The following SERGEF variants were observed in gnomAD, a reference collection of about 807,000 sequenced individuals.
SERGEF encodes secretion regulating guanine nucleotide exchange factor.
A neutral mutation model predicts 50.0 loss-of-function variants in SERGEF; 51 were observed. That is an observed-to-expected ratio of 1.02 (90% confidence interval 0.81 to 1.29). The LOEUF (loss-of-function observed/expected upper bound fraction) is 1.29. SERGEF is among the 50% of genes most tolerant of loss of function. The pLI, the probability that SERGEF is intolerant of heterozygous loss-of-function variation, is 0.00. For synonymous variants in SERGEF, 205 were observed against 212.4 expected (o/e 0.97, Z 0.30); for missense variants, 521 against 557.0 (o/e 0.94, Z 0.65).
intron 9 of SERGEF, among the ~76,000 whole-genome samples, chr11:17,952,474 A>G (rs867248042): frequency 5.3e-5 from 8 of 151,966 alleles, no homozygotes; most frequent in Non-Finnish European, 1.0e-4. Context: ...AGTGACCTCA[A>G]TCCTCTCTCT....
At chr11:17,828,423 C>A (rs1342783078) in intron 10 of SERGEF, among the ~76,000 whole-genome samples, 1 of 152,224 alleles carries the variant, frequency 6.6e-6, no homozygotes, top group Non-Finnish European at 1.5e-5. Context: ...CCAGCCCTGC[C>A]GTGTGGATCC....
chr11:17,974,670 G>C (rs997487896), intron 8 of SERGEF, among the ~76,000 whole-genome samples: 1 of 152,194 alleles, frequency 6.6e-6, no homozygotes, highest in Non-Finnish European at 1.5e-5. Flanking sequence ...CTACGTGTTA[G>C]CTGTGGGACC....
intron 9 of SERGEF, among the ~76,000 whole-genome samples, chr11:17,906,488 G>C (rs1333339367): frequency 6.6e-6 from 1 of 152,178 alleles, no homozygotes; most frequent in African/African-American, 2.4e-5. Context: ...AAGGGGGTTG[G>C]TGGGGTGGGG....
At chr11:17,979,552 A>G (rs1258343136) in intron 8 of SERGEF, among the ~76,000 whole-genome samples, 1 of 152,066 alleles carries the variant, frequency 6.6e-6, no homozygotes, top group Non-Finnish European at 1.5e-5. Flanking sequence ...GCAGGGTTAT[A>G]TCTTTTCTTC....
At chr11:17,851,720 T>G (rs986265998) in intron 10 of SERGEF, among the ~76,000 whole-genome samples, 13 of 152,246 alleles carry the variant, frequency 8.5e-5, no homozygotes, top group African/African-American at 3.1e-4. Context: ...TGCTGAAGAC[T>G]AGAGTAAAAC....
chr11:17,805,264 C>G (rs1338622718), intron 10 of SERGEF, among the ~76,000 whole-genome samples: 1 of 152,230 alleles, frequency 6.6e-6, no homozygotes, highest in African/African-American at 2.4e-5. Flanking sequence ...CTCACAGGGT[C>G]TCAGTTTCTG....
At position 17,988,641 on chromosome 11, in the gene SERGEF, A is replaced by C. The variant is rs992347751; in HGVS notation, c.800T>G (p.Val267Gly). 6.2e-6 allele frequency: 10 copies of C among 1,614,008 alleles called. No homozygotes were observed. Among genetic ancestry groups the C allele is most frequent in the Non-Finnish European group, 8.5e-6 (10 of 1,180,026 alleles). The change falls in exon 8 of 11, where the codon GTC becomes GGC. Residue 267 changes from valine to glycine, a missense_variant. By Grantham distance (109) the Val-to-Gly change is moderately radical. Transcript: ENST00000265965. The stretch of plus-strand genomic sequence containing the variant: ...TGTCCATCCACTCCAGATGGCAGTG[A>C]CCTTTTCATTCTGGAAACAATGTGC... ...IEAHCFQNEK[V>G]TAIWSGWTHL...
chr11:17,910,587 G>A (rs947455654), intron 9 of SERGEF, among the ~76,000 whole-genome samples: 3 of 152,062 alleles, frequency 2.0e-5, no homozygotes, highest in Non-Finnish European at 1.5e-5. Context: ...CTAAATCATG[G>A]GAATTTGTCG....
chr11:17,896,714 G>C (rs111636117), intron 9 of SERGEF, among the ~76,000 whole-genome samples: 1,595 of 51,450 alleles, frequency 0.031, 73 homozygotes, highest in Non-Finnish European at 0.052. Context: ...GGAAGGGTAA[G>C]GGAAGGGTAA....
At chr11:17,868,096 C>T (rs193098562) in intron 10 of SERGEF, among the ~76,000 whole-genome samples, 82 of 152,338 alleles carry the variant, frequency 5.4e-4, no homozygotes, top group African/African-American at 1.9e-3. Flanking sequence ...GTTACTTATG[C>T]AAATTTCTGC....
chr11:17,942,564 T>G (rs1852582097), intron 9 of SERGEF, among the ~76,000 whole-genome samples: 1 of 152,160 alleles, frequency 6.6e-6, no homozygotes, highest in Admixed American at 6.5e-5. Context: ...TAGAAACAGA[T>G]TTACCTCTTC....
At chr11:17,911,554 G>A (rs117188400) in intron 9 of SERGEF, among the ~76,000 whole-genome samples, 8,068 of 151,384 alleles carry the variant, frequency 0.053, 291 homozygotes, top group Non-Finnish European at 0.08. Flanking sequence ...GCAGCAGCAC[G>A]ATGGCTCACT....
intron 9 of SERGEF, among the ~76,000 whole-genome samples, chr11:17,880,311 G>A (rs1211382811): frequency 1.3e-5 from 2 of 152,156 alleles, no homozygotes; most frequent in African/African-American, 4.8e-5. Context: ...TATGCTTCCT[G>A]GCTGTAATGA....
chr11:17,905,768 T>G (rs934960908), intron 9 of SERGEF, among the ~76,000 whole-genome samples: 1 of 152,152 alleles, frequency 6.6e-6, no homozygotes, highest in Non-Finnish European at 1.5e-5. Context: ...TGGCCTATGC[T>G]CTGGTCCTTT....
intron 9 of SERGEF, among the ~76,000 whole-genome samples, chr11:17,926,172 GT>G (rs142157396): frequency 1.5e-4 from 22 of 151,048 alleles, no homozygotes; most frequent in Admixed American, 8.6e-4. Context: ...CATTCACCCA[GT>G]TTTTTTTTCC....
chr11:17,983,569 T>A (rs569997308), intron 8 of SERGEF, among the ~76,000 whole-genome samples: 59 of 152,252 alleles, frequency 3.9e-4, no homozygotes, highest in African/African-American at 1.4e-3. Context: ...ACTTTCCTAA[T>A]AAGGAAATAA....
chr11:17,926,793 G>A (rs927360567), intron 9 of SERGEF: 1 of 456,100 alleles, frequency 2.2e-6, no homozygotes, highest in Non-Finnish European at 4.4e-6. Flanking sequence ...AGGGCCTCCT[G>A]AGACCAGAGC....
intron 10 of SERGEF, among the ~76,000 whole-genome samples, chr11:17,873,097 T>C (rs1422912540): frequency 1.3e-5 from 2 of 152,190 alleles, no homozygotes; most frequent in Non-Finnish European, 2.9e-5. Context: ...AAAGATGAAG[T>C]ACTCCTATCT....
At chr11:17,892,457 C>A (rs1407386532) in intron 9 of SERGEF, among the ~76,000 whole-genome samples, 1 of 152,148 alleles carries the variant, frequency 6.6e-6, no homozygotes, top group Non-Finnish European at 1.5e-5. Flanking sequence ...TCCCAGTTGT[C>A]CTAATCAAAG....
Sources: gnomAD v4.1 joint callset for allele counts (sites outside exome capture counted in the v4.1 genomes callset) on GRCh38, gnomAD v4.1.1 for gene constraint, MANE v1.5 for transcripts, NCBI Gene and HGNC (gene_info 2026-07-23, HGNC 2026-07-21) for gene names.